Variants in AASDH observed in about 807,000 individuals in gnomAD.
AASDH encodes the protein aminoadipate-semialdehyde dehydrogenase, also known as beta-alanine-activating enzyme.
In AASDH, 81 loss-of-function variants were observed where a neutral mutation model predicts 102.3. The observed-to-expected ratio is 0.79, with a 90% confidence interval of 0.66 to 0.95. The LOEUF is 0.95. Ranked by LOEUF, AASDH falls within the 40% of genes least tolerant of loss-of-function variation. The pLI, the probability that AASDH is intolerant of heterozygous loss-of-function variation, is 0.00. For synonymous variants in AASDH, 398 were observed against 454.0 expected (o/e 0.88, Z 1.57); for missense variants, 1,203 against 1,266.2 (o/e 0.95, Z 0.76).
chr4:56,384,431 CA>C, intron 1 of AASDH, 90 bp from the exon 2 acceptor site: 1 of 612,100 alleles, frequency 1.6e-6, no homozygotes, highest in Non-Finnish European at 2.8e-6. Context: ...TAATATCTCA[CA>C]AAAATAATTA....
chr4:56,368,134 G>C (rs1373152215), intron 5 of AASDH, among the ~76,000 whole-genome samples: 1 of 152,178 alleles, frequency 6.6e-6, no homozygotes, highest in Non-Finnish European at 1.5e-5. Context: ...ATCATCACTG[G>C]CCATCAGAGA....
In AASDH at chr4:56,354,083, T is replaced by G; in HGVS notation, c.1339A>C (p.Ile447Leu). ...TTAAGACGTTTGCCATGACGTTTGA[T>G]CTGACTGTCTTTTCGTCCCAAAAAA... ...IFFLGRKDSQIKRHGKRLNIE... is the reference protein window; with the variant it reads ...IFFLGRKDSQLKRHGKRLNIE... The change falls in exon 8 of 15, where the codon ATC (isoleucine) becomes CTC (leucine). Residue 447 changes from isoleucine (I) to leucine (L), a missense_variant. Transcript: ENST00000205214. 6.2e-7 allele frequency: 1 copy of G among 1,613,296 alleles called. No individual in the cohort carries two copies.
chr4:56,378,382 T>G lies in AASDH; in HGVS notation c.434A>C (p.His145Pro). The change falls in exon 4 of 15, where the codon CAC becomes CCC. Residue 145 changes from histidine to proline, a missense_variant. Physicochemically the swap from His to Pro is moderately conservative, Grantham distance 77. Transcript: ENST00000205214. ...CAAGTTCACCTCAGTATTTTTCCAG[T>G]GAAGTCTGAAGAGCACTAGGTCATT... ...EHNDLVLFRL[H>P]WKNTEVNLML... The G allele has an allele frequency of 6.2e-7, 1 of 1,613,926 alleles. No homozygotes were observed. Among genetic ancestry groups the G allele is most frequent in the East Asian group, 2.2e-5 (1 of 44,866 alleles).
At chr4:56,376,403 A>G (rs1433811366) in intron 4 of AASDH, among the ~76,000 whole-genome samples, 6 of 152,166 alleles carry the variant, frequency 3.9e-5, no homozygotes, top group Non-Finnish European at 8.8e-5. Flanking sequence ...GTTTCTAGAA[A>G]ATAACATTTG....
intron 5 of AASDH, among the ~76,000 whole-genome samples, chr4:56,361,192 A>G (rs1445900186): frequency 6.6e-6 from 1 of 152,168 alleles, no homozygotes; most frequent in Non-Finnish European, 1.5e-5. Flanking sequence ...CGGGCAGATC[A>G]CTTAAGGTCA....
At chr4:56,343,767 T>C in intron 12 of AASDH, 83 bp from the exon 13 acceptor site, 1 of 1,337,538 alleles carries the variant, frequency 7.5e-7, no homozygotes, top group East Asian at 2.6e-5. Context: ...ATTATGTCTG[T>C]TTAGTTAATA....
At chr4:56,366,011 G>A (rs187887005) in intron 5 of AASDH, among the ~76,000 whole-genome samples, 11,347 of 152,044 alleles carry the variant, frequency 0.075, 605 homozygotes, top group East Asian at 0.25. Context: ...GAATCAAATA[G>A]ATGCAATAAA....
intron 5 of AASDH, among the ~76,000 whole-genome samples, chr4:56,368,904 CA>C (rs201200751): frequency 0.012 from 1,748 of 143,440 alleles, 33 homozygotes; most frequent in African/African-American, 0.039. Context: ...AACTCCCTCC[CA>C]AAAAAAAAAG....
Position 56,371,450 on chromosome 4 carries a change from C to A in AASDH, c.861+1G>T. 1 of 1,590,344 alleles carries A rather than the reference C, an allele frequency of 6.3e-7. No individual in the cohort carries two copies. Among genetic ancestry groups the A allele is most frequent in the Middle Eastern group, 1.7e-4 (1 of 6,022 alleles). Reference sequence around the variant, plus strand: ...AAACGTTCATTGCTACTAAAATGTACCTGCAAAACAGTCACTCTATGATGG... The same window carrying A: ...AAACGTTCATTGCTACTAAAATGTAACTGCAAAACAGTCACTCTATGATGG... On this transcript the variant is annotated splice_donor_variant, in intron 5 of 14. Transcript: ENST00000205214. LOFTEE classifies it high-confidence loss of function.
At chr4:56,355,145 G>A (rs1490191886) in intron 6 of AASDH, 37 bp downstream of exon 6, 2 of 1,586,132 alleles carry the variant, frequency 1.3e-6, no homozygotes, top group Non-Finnish European at 1.7e-6. Flanking sequence ...GAAATATACA[G>A]TCTCTCTTCT....
At chr4:56,379,539 TGCTGTATACCC>T (rs1468986321) in intron 3 of AASDH, among the ~76,000 whole-genome samples, 10 of 152,014 alleles carry the variant, frequency 6.6e-5, no homozygotes, top group African/African-American at 2.4e-4. Context: ...GGGAAGTACT[TGCTGTATACCC>T]GGGGGTAAAA....
Position 56,351,287 on chromosome 4 carries a change from T to C in AASDH, c.1692+55A>G. 7 of 1,156,532 alleles carry C rather than the reference T, an allele frequency of 6.1e-6. No individual in the cohort carries two copies. The South Asian group carries it at 8.2e-5, about 14-fold the overall frequency. The allele number at this position is 1,156,532 out of a possible 1,614,324, so 71.6% of individuals were successfully genotyped here. A position where few individuals can be genotyped will look rare whatever the true frequency, so the allele number is the denominator to read the frequency against. On this transcript the variant is annotated intron_variant, in intron 10 of 14. Coordinates refer to ENST00000205214, the MANE Select transcript of AASDH (RefSeq NM_181806.4). ...AACTTGTTAGGATAATAGCAGTCCC[T>C]AAAGATATAAAACGACCTCTTTATA... is the stretch of plus-strand genomic sequence containing the variant.
At chr4:56,375,342 T>C (rs991772370) in intron 4 of AASDH, among the ~76,000 whole-genome samples, 1 of 152,226 alleles carries the variant, frequency 6.6e-6, no homozygotes, top group African/African-American at 2.4e-5. Flanking sequence ...TGAAATTTAA[T>C]ACTCCCTAGC....
chr4:56,351,575 A>G (rs1264988037), intron 9 of AASDH, 118 bp from the exon 10 acceptor site: 1 of 600,286 alleles, frequency 1.7e-6, no homozygotes, highest in East Asian at 3.0e-5. Flanking sequence ...TCATATAAAG[A>G]GTTTGTTGTC....
chr4:56,338,393 T>C lies in AASDH; in HGVS notation c.*9A>G. On this transcript the variant is annotated 3_prime_UTR_variant, in exon 15 of 15. Coordinates refer to ENST00000205214, the MANE Select transcript of AASDH (RefSeq NM_181806.4). ...TCACATTTGTTATACAAATAAGGAC[T>C]GTATTTGATTATTTTTGATTGCCAC... 1 of 1,610,184 alleles carries C rather than the reference T, an allele frequency of 6.2e-7. No individual in the cohort carries two copies. The highest frequency in any genetic ancestry group is 1.1e-5 in the South Asian group (1 of 90,336).
In AASDH at chr4:56,338,410, G is replaced by T. The variant is rs148229345; in HGVS notation, c.3289C>A (p.Gln1097Lys). Residue 1097 changes from glutamine to lysine, a missense_variant, in exon 15 of 15, where the codon CAA (glutamine) becomes AAA (lysine). Physicochemically the swap from Gln to Lys is moderately conservative, Grantham distance 53. Transcript: ENST00000205214. The part of the protein sequence containing the change: ...VYCLDLLGGN[Q>K]K ...ATAAGGACTGTATTTGATTATTTTT[G>T]ATTGCCACCCAATAAATCCAGACAA... is the stretch of plus-strand genomic sequence containing the variant. The T allele has an allele frequency of 2.0e-4, 319 of 1,612,452 alleles. No homozygotes were observed. The highest frequency in any genetic ancestry group is 2.6e-4 in the Non-Finnish European group (304 of 1,179,398).
At position 56,355,076 on chromosome 4, in the gene AASDH, G is replaced by A. The variant is rs369469834; in HGVS notation, c.1103+106C>T. On this transcript the variant is annotated intron_variant, in intron 6 of 14. Coordinates refer to ENST00000205214, the MANE Select transcript of AASDH (RefSeq NM_181806.4). ...CCAACTTAAAATATCAGATACAATCGTGTTTCTAAAATTATTACCCCAGCA... is the reference window on the plus strand; with the variant it reads ...CCAACTTAAAATATCAGATACAATCATGTTTCTAAAATTATTACCCCAGCA... 1.3e-5 allele frequency: 17 copies of A among 1,312,424 alleles called. No homozygotes were observed. In the East Asian group the frequency reaches 1.7e-4, roughly 13 times the overall value. 81.3% of individuals were successfully genotyped at this position (1,312,424 alleles called of 1,614,324 possible).
intron 2 of AASDH, among the ~76,000 whole-genome samples, chr4:56,383,416 C>T (rs1003292251): frequency 9.2e-5 from 14 of 152,126 alleles, no homozygotes; most frequent in African/African-American, 3.1e-4. Context: ...CTGTGCCTGG[C>T]CAAAAGTAAA....
At chr4:56,363,568 A>G (rs1240126194) in intron 5 of AASDH, among the ~76,000 whole-genome samples, 1 of 152,088 alleles carries the variant, frequency 6.6e-6, no homozygotes, top group East Asian at 1.9e-4. Flanking sequence ...GTTCACCAAT[A>G]TCCGCTGTTC....
Sources: gnomAD v4.1 joint callset for allele counts (sites outside exome capture counted in the v4.1 genomes callset) on GRCh38, gnomAD v4.1.1 for gene constraint, MANE v1.5 for transcripts, NCBI Gene and HGNC (gene_info 2026-07-23, HGNC 2026-07-21) for gene names.